Variants in NDUFA11 observed in about 807,000 individuals in gnomAD.
NDUFA11 encodes the protein NADH dehydrogenase [ubiquinone] 1 alpha subcomplex subunit 11.
NDUFA11 carries 14 observed loss-of-function variants against 11.3 expected under a neutral mutation model. The ratio of observed to expected loss-of-function variants is 1.24; its 90% CI spans 0.82 to 1.94. The LOEUF (loss-of-function observed/expected upper bound fraction) is 1.94. NDUFA11 is among the 30% of genes most tolerant of loss of function. The pLI is 0.00. For missense variants in NDUFA11, 204 were observed against 200.3 expected, an observed-to-expected ratio of 1.02 and a Z score of -0.11; for synonymous variants, 87 against 85.6, an observed-to-expected ratio of 1.02 and a Z score of -0.09.
intron 1 of NDUFA11, chr19:5,901,573 C>A: frequency 3.9e-6 from 3 of 767,024 alleles, no homozygotes; most frequent in Non-Finnish European, 5.5e-6. Flanking sequence ...CAACTTTGGC[C>A]GGGCCCTGTT....
At chr19:5,893,293 AC>A, downstream of NDUFA11, 1 of 1,165,540 alleles carries the variant, frequency 8.6e-7, no homozygotes, top group Admixed American at 2.1e-5. This position sits in a 1 kb window ranked among gnomAD's most constrained non-coding sequence, Gnocchi z 4.1. Flanking sequence ...TCCTGTCTCT[AC>A]AAAAAATAAA....
chr19:5,898,611 C>T (rs1451433375), intron 1 of NDUFA11, among the ~76,000 whole-genome samples: 2 of 152,170 alleles, frequency 1.3e-5, no homozygotes, highest in African/African-American at 2.4e-5. Flanking sequence ...CAGTGGCTCA[C>T]GCCTGTAATC....
rs767045260 is a variant in NDUFA11 at position 5,896,962 on chromosome 19, G to C, written c.133C>G (p.Pro45Ala). The C allele has an allele frequency of 6.2e-7, 1 of 1,614,148 alleles. No individual in the cohort carries two copies. Among genetic ancestry groups the C allele is most frequent in the East Asian group, 2.2e-5 (1 of 44,878 alleles). The change falls in exon 2 of 4, where the codon CCT becomes GCT. Residue 45 changes from proline (P) to alanine (A), a missense_variant. Physicochemically the swap from Pro to Ala is conservative, Grantham distance 27. Coordinates refer to ENST00000308961, the MANE Select transcript of NDUFA11 (RefSeq NM_175614.5). This position sits in a 1 kb window ranked among gnomAD's most constrained non-coding sequence, Gnocchi z 5.8. ...TAAAYRVTLN[P>A]PGTFLEGVAK... ...ACTCCTTCAAGGAAGGTGCCCGGAG[G>C]ATTGAGTGTGACTCTGTAGGCAGCG...
chr19:5,901,527 G>C (rs898838439), intron 1 of NDUFA11: 6 of 1,206,022 alleles, frequency 5.0e-6, no homozygotes, highest in Admixed American at 4.9e-5. Flanking sequence ...GTGATGATTA[G>C]GTCTGCCCTA....
chr19:5,902,001 C>T (rs1482188118), intron 1 of NDUFA11, among the ~76,000 whole-genome samples: 1 of 133,332 alleles, frequency 7.5e-6, no homozygotes, highest in Non-Finnish European at 1.6e-5. Flanking sequence ...TTTGAGACAG[C>T]GTCTCACTCT....
chr19:5,892,892 C>A, downstream of NDUFA11: 1 of 1,419,508 alleles, frequency 7.0e-7, no homozygotes, highest in Non-Finnish European at 9.2e-7. Flanking sequence ...TGCTGCCGTC[C>A]TCTGAGGACA....
At position 5,896,830 on chromosome 19, in the gene NDUFA11, C is replaced by A; in HGVS notation, c.190+75G>T. 7.4e-7 allele frequency: 1 copy of A among 1,357,130 alleles called. No individual in the cohort carries two copies. Among genetic ancestry groups the A allele is most frequent in the Non-Finnish European group, 1.1e-6 (1 of 948,408 alleles). 84.1% of individuals were successfully genotyped at this position (1,357,130 alleles called of 1,614,324 possible). On this transcript the variant is annotated intron_variant, in intron 2 of 3. Transcript: ENST00000308961. The surrounding 1 kb of genome is among the most constrained non-coding windows in gnomAD (Gnocchi z 5.8). ...GGGCTGGGGAGTCAGAGAGAAGAGG[C>A]AGCCGTCAAATGTGCTCTGAGAGCT...
Position 5,903,737 on chromosome 19 carries a change from A to C in NDUFA11, c.-29T>G. 6.5e-7 allele frequency: 1 copy of C among 1,549,278 alleles called. No individual in the cohort carries two copies. Among genetic ancestry groups the C allele is most frequent in the Non-Finnish European group, 8.7e-7 (1 of 1,145,358 alleles). ...CCGCAATCTCGATCCCGCACCACGG[A>C]CCCCGCCAGCTCGGGAAGCGCAAGG... On this transcript the variant is annotated 5_prime_UTR_variant, in exon 1 of 4. Coordinates refer to ENST00000308961, the MANE Select transcript of NDUFA11 (RefSeq NM_175614.5).
chr19:5,900,984 G>T (rs896174493), intron 1 of NDUFA11, among the ~76,000 whole-genome samples: 1 of 151,702 alleles, frequency 6.6e-6, no homozygotes, highest in Non-Finnish European at 1.5e-5. Flanking sequence ...AAGACCCCGG[G>T]GCACCCTTGG....
intron 1 of NDUFA11, 118 bp downstream of exon 1, chr19:5,903,494 G>C: frequency 1.0e-6 from 1 of 970,228 alleles, no homozygotes; most frequent in Non-Finnish European, 1.5e-6. Flanking sequence ...ACACCCCGAT[G>C]ACAACCACGT....
At chr19:5,894,115 C>T (rs117646564), downstream of NDUFA11, among the ~76,000 whole-genome samples, 1 of 152,226 alleles carries the variant, frequency 6.6e-6, no homozygotes, top group Non-Finnish European at 1.5e-5. Context: ...TTTCCCTTGT[C>T]GCTGCCACCA....
downstream of NDUFA11, chr19:5,892,651 G>A (rs1160787472): frequency 2.8e-6 from 1 of 353,564 alleles, no homozygotes; most frequent in Non-Finnish European, 5.1e-6. Context: ...TGGTCACCGC[G>A]GGGCTGGGGG....
intron 1 of NDUFA11, among the ~76,000 whole-genome samples, chr19:5,900,787 AGG>A (rs1359703327): frequency 6.6e-6 from 1 of 152,006 alleles, no homozygotes; most frequent in Non-Finnish European, 1.5e-5. Flanking sequence ...GCACGGTGGC[AGG>A]CACCTGTAAT....
At chr19:5,897,101 C>A (rs996508772) in intron 1 of NDUFA11, 104 bp from the exon 2 acceptor site, 1 of 903,374 alleles carries the variant, frequency 1.1e-6, no homozygotes, top group African/African-American at 1.6e-5. Context: ...CTCACGATGC[C>A]CCCCTTCTTT....
intron 1 of NDUFA11, among the ~76,000 whole-genome samples, chr19:5,900,203 C>T (rs2144957870): frequency 1.3e-5 from 2 of 152,324 alleles, no homozygotes; most frequent in South Asian, 4.1e-4. Flanking sequence ...GCCCCCTTCC[C>T]TCTGAAGGGA....
At chr19:5,901,848 T>G (rs1414492789) in intron 1 of NDUFA11, among the ~76,000 whole-genome samples, 1 of 152,024 alleles carries the variant, frequency 6.6e-6, no homozygotes, top group Non-Finnish European at 1.5e-5. Flanking sequence ...TTTTTTTGTA[T>G]TTTTAGTAGA....
intron 1 of NDUFA11, among the ~76,000 whole-genome samples, chr19:5,897,965 C>A (rs967886022): frequency 1.3e-5 from 2 of 152,242 alleles, no homozygotes; most frequent in African/African-American, 2.4e-5. Context: ...AACAAGCACC[C>A]CCCTCTCCCT....
downstream of NDUFA11, chr19:5,893,057 C>T (rs867710759): frequency 6.5e-7 from 1 of 1,535,848 alleles, no homozygotes; most frequent in African/African-American, 1.4e-5. The surrounding 1 kb of genome is among the most constrained non-coding windows in gnomAD (Gnocchi z 4.1). Context: ...GCACCCAGCT[C>T]CGGAAGTGGA....
Position 5,901,539 on chromosome 19 carries a change from T to A in NDUFA11, c.97+2073A>T, listed in dbSNP as rs917715442. 11 of 1,145,428 alleles carry A rather than the reference T, an allele frequency of 9.6e-6. No individual in the cohort carries two copies. In the African/African-American group the frequency reaches 1.8e-4, roughly 18 times the overall value. 71.0% of individuals were successfully genotyped at this position (1,145,428 alleles called of 1,614,324 possible). ...GGAGTGATGATTAGGTCTGCCCTAA[T>A]TCAAATGCCTCCCAATGGAGCCGCA... On this transcript the variant is annotated intron_variant, in intron 1 of 3. Coordinates refer to ENST00000308961, the MANE Select transcript of NDUFA11 (RefSeq NM_175614.5).
Sources: gnomAD v4.1 joint callset for allele counts (sites outside exome capture counted in the v4.1 genomes callset) on GRCh38, gnomAD v4.1.1 for gene constraint, Gnocchi (gnomAD v3.1) non-coding constraint, MANE v1.5 for transcripts, NCBI Gene and HGNC (gene_info 2026-07-23, HGNC 2026-07-21) for gene names.